Variants in ATRNL1 observed in about 807,000 individuals in gnomAD.
ATRNL1 encodes attractin-like protein 1.
Under a neutral mutation model 182.7 loss-of-function variants are expected in ATRNL1, and 95 were observed. The observed-to-expected ratio is 0.52, with a 90% CI of 0.44 to 0.62. The LOEUF (loss-of-function observed/expected upper bound fraction) is 0.62. Ranked by LOEUF, ATRNL1 falls within the 20% of genes least tolerant of loss-of-function variation. The pLI, the probability that ATRNL1 is intolerant of heterozygous loss-of-function variation, is 0.00. For missense variants in ATRNL1, 1,471 were observed against 1,679.5 expected (o/e 0.88, Z 2.17); for synonymous variants, 576 against 568.3 (o/e 1.01, Z -0.19).
intron 24 of ATRNL1, among the ~76,000 whole-genome samples, chr10:115,500,141 A>G (rs762516243): frequency 6.6e-6 from 1 of 152,200 alleles, no homozygotes; most frequent in East Asian, 1.9e-4. Flanking sequence ...AGTACTTTGA[A>G]GTCCATCCAT....
At chr10:115,125,986 G>T (rs1264783) in intron 3 of ATRNL1, among the ~76,000 whole-genome samples, 49,741 of 152,122 alleles carry the variant, frequency 0.33, 8,421 homozygotes, top group African/African-American at 0.39. Context: ...TATTATACAG[G>T]AAGTGGAAAC....
intron 19 of ATRNL1, among the ~76,000 whole-genome samples, chr10:115,374,803 T>C (rs782745686): frequency 3.3e-5 from 5 of 151,928 alleles, no homozygotes; most frequent in African/African-American, 7.2e-5. Context: ...TGTTACTGAT[T>C]TCTAATTTAC....
chr10:115,713,010 G>A (rs1268185723), intron 26 of ATRNL1, among the ~76,000 whole-genome samples: 3 of 152,140 alleles, frequency 2.0e-5, no homozygotes, highest in Non-Finnish European at 2.9e-5. Context: ...GAGAGTGACT[G>A]TGTTTGGTGA....
intron 26 of ATRNL1, among the ~76,000 whole-genome samples, chr10:115,676,493 T>C (rs782423423): frequency 4.7e-4 from 71 of 152,016 alleles, no homozygotes; most frequent in Middle Eastern, 3.4e-3. Flanking sequence ...TGAGAAAAAA[T>C]AGCAGATTAG....
At chr10:115,858,947 T>G (rs1275929129) in intron 28 of ATRNL1, among the ~76,000 whole-genome samples, 1 of 152,114 alleles carries the variant, frequency 6.6e-6, no homozygotes, top group African/African-American at 2.4e-5. Context: ...CTCACAGTTC[T>G]GGAGGCTGGG....
intron 26 of ATRNL1, among the ~76,000 whole-genome samples, chr10:115,612,774 C>T (rs147284885): frequency 6.3e-4 from 96 of 152,230 alleles, no homozygotes; most frequent in East Asian, 2.3e-3. Flanking sequence ...TAGGCATGTG[C>T]GCATGAGGGC....
chr10:115,540,041 A>G (rs11596512), intron 25 of ATRNL1, among the ~76,000 whole-genome samples: 8 of 151,620 alleles, frequency 5.3e-5, no homozygotes, highest in Non-Finnish European at 1.0e-4. Context: ...TGATGAGTTA[A>G]TGAGTGCAGC....
At chr10:115,702,267 C>T (rs1186275987) in intron 26 of ATRNL1, among the ~76,000 whole-genome samples, 1 of 151,800 alleles carries the variant, frequency 6.6e-6, no homozygotes, top group Non-Finnish European at 1.5e-5. Flanking sequence ...AGGAATGTAC[C>T]TCAAAATAAT....
At chr10:115,682,947 T>C (rs1555045184) in intron 26 of ATRNL1, among the ~76,000 whole-genome samples, 1 of 152,146 alleles carries the variant, frequency 6.6e-6, no homozygotes, top group African/African-American at 2.4e-5. Context: ...TTTCTAGCTA[T>C]GTAACTTTAA....
chr10:115,217,144 A>C (rs147050687), intron 9 of ATRNL1, among the ~76,000 whole-genome samples: 201 of 152,272 alleles, frequency 1.3e-3, no homozygotes, highest in African/African-American at 4.5e-3. Flanking sequence ...GCTGGAGTGC[A>C]GTGGCACGAT....
At chr10:115,138,556 A>G (rs762776776) in intron 5 of ATRNL1, among the ~76,000 whole-genome samples, 50 of 152,170 alleles carry the variant, frequency 3.3e-4, no homozygotes, top group Admixed American at 5.9e-4. Flanking sequence ...TGGGGCTTCC[A>G]CCCTCTGAAG....
At chr10:115,122,702 A>G (rs1844797174) in intron 3 of ATRNL1, among the ~76,000 whole-genome samples, 1 of 152,046 alleles carries the variant, frequency 6.6e-6, no homozygotes, top group African/African-American at 2.4e-5. Context: ...AATGTGAATT[A>G]TTATTTTGGA....
At chr10:115,799,845 T>C (rs1371496329) in intron 27 of ATRNL1, among the ~76,000 whole-genome samples, 2 of 152,202 alleles carry the variant, frequency 1.3e-5, no homozygotes, top group Non-Finnish European at 2.9e-5. Context: ...TATCAGATAC[T>C]CTGCCAGCCA....
intron 28 of ATRNL1, among the ~76,000 whole-genome samples, chr10:115,885,149 C>T (rs781864598): frequency 6.6e-6 from 1 of 152,088 alleles, no homozygotes; most frequent in Non-Finnish European, 1.5e-5. Context: ...TGAACAGTGA[C>T]TGTGTAAGTA....
At chr10:115,303,523 T>C (rs61880839) in intron 17 of ATRNL1, among the ~76,000 whole-genome samples, 177 of 152,242 alleles carry the variant, frequency 1.2e-3, no homozygotes, top group Non-Finnish European at 1.9e-3. Flanking sequence ...GCCCGGCCGG[T>C]ATCCAAGTTT....
chr10:115,192,593 T>A (rs1212619734), intron 8 of ATRNL1, among the ~76,000 whole-genome samples: 1 of 152,066 alleles, frequency 6.6e-6, no homozygotes, highest in Admixed American at 6.6e-5. Flanking sequence ...TTTTGTGGTT[T>A]CATATAAATT....
At chr10:115,724,986 C>G (rs1555059445) in intron 26 of ATRNL1, among the ~76,000 whole-genome samples, 1 of 152,166 alleles carries the variant, frequency 6.6e-6, no homozygotes, top group African/African-American at 2.4e-5. Context: ...CAAGGACTCT[C>G]TAACTAGTCT....
intron 26 of ATRNL1, among the ~76,000 whole-genome samples, chr10:115,614,725 T>A (rs1462997624): frequency 6.6e-6 from 1 of 152,132 alleles, no homozygotes; most frequent in Non-Finnish European, 1.5e-5. Context: ...TGTGTGCATA[T>A]TTACAATTGT....
intron 20 of ATRNL1, among the ~76,000 whole-genome samples, chr10:115,413,940 CATACATGCATACATAT>C: frequency 1.3e-5 from 2 of 152,066 alleles, no homozygotes; most frequent in African/African-American, 4.8e-5. Flanking sequence ...CATATGTGCA[CATACATGCATACATAT>C]GCATGTATAT....
Sources: allele counts gnomAD v4.1 joint callset (sites outside exome capture counted in the v4.1 genomes callset), GRCh38; gene constraint gnomAD v4.1.1; transcripts MANE v1.5; gene names NCBI Gene and HGNC (gene_info 2026-07-23, HGNC 2026-07-21).